Variants in GABRG1 observed in about 807,000 individuals in gnomAD.
The protein encoded by GABRG1 is gamma-aminobutyric acid type A receptor subunit gamma1, also known as gamma-aminobutyric acid receptor subunit gamma-1.
In GABRG1, 49 loss-of-function variants were observed where a neutral mutation model predicts 49.8. The observed-to-expected ratio is 0.98, with a 90% CI of 0.78 to 1.25. The LOEUF (loss-of-function observed/expected upper bound fraction) is 1.25. Among genes scored for constraint, GABRG1 ranks in the 50% most tolerant of loss-of-function variants. The pLI is 0.00. For synonymous variants in GABRG1, 232 were observed against 185.1 expected, an observed-to-expected ratio of 1.25 and a Z score of -2.06; for missense variants, 552 against 552.3, an observed-to-expected ratio of 1.00 and a Z score of 0.01.
chr4:46,072,869 C>A (rs1001629979), intron 3 of GABRG1, among the ~76,000 whole-genome samples: 15 of 150,008 alleles, frequency 1.0e-4, no homozygotes, highest in African/African-American at 3.5e-4. Context: ...TTTAAACTTA[C>A]TTTGCCTCTG....
chr4:46,120,944 A>G (rs1721075022), intron 1 of GABRG1, among the ~76,000 whole-genome samples: 1 of 151,746 alleles, frequency 6.6e-6, no homozygotes, highest in African/African-American at 2.4e-5. Context: ...TATTTTCATC[A>G]TTACAAAGAA....
chr4:46,051,575 A>T lies in GABRG1; in HGVS notation c.980T>A (p.Val327Asp). The stretch of plus-strand genomic sequence containing the variant: ...GAGATCCATCGCAGTCACATAAGAA[A>T]CCTTAGGTAAAGACTTCCTGGCAAT... ...STIARKSLPKVSYVTAMDLFV... is the reference protein window; with the variant it reads ...STIARKSLPKDSYVTAMDLFV... The change falls in exon 8 of 9, where the codon GTT becomes GAT. Residue 327 changes from valine to aspartate, a missense_variant. Coordinates refer to ENST00000295452, the MANE Select transcript of GABRG1 (RefSeq NM_173536.4). 2.5e-6 allele frequency: 4 copies of T among 1,611,592 alleles called. No individual in the cohort carries two copies. Among genetic ancestry groups the T allele is most frequent in the Non-Finnish European group, 3.4e-6 (4 of 1,178,478 alleles).
At chr4:46,050,230 A>T (rs1302680506) in intron 8 of GABRG1, among the ~76,000 whole-genome samples, 1 of 151,940 alleles carries the variant, frequency 6.6e-6, no homozygotes, top group Non-Finnish European at 1.5e-5. Flanking sequence ...GTCACTGGCT[A>T]ATTCTACAAT....
At chr4:46,101,963 A>C (rs1473450717) in intron 1 of GABRG1, among the ~76,000 whole-genome samples, 1 of 151,688 alleles carries the variant, frequency 6.6e-6, no homozygotes, top group Non-Finnish European at 1.5e-5. Context: ...GACAATAGAA[A>C]ATTTATTTTT....
At chr4:46,117,810 A>ATATG (rs1560377215) in intron 1 of GABRG1, among the ~76,000 whole-genome samples, 23 of 124,000 alleles carry the variant, frequency 1.9e-4, no homozygotes, top group African/African-American at 7.7e-4. Context: ...ATATGTATAC[A>ATATG]TGTGTATCTA....
At chr4:46,075,979 G>A (rs1486277748) in intron 3 of GABRG1, among the ~76,000 whole-genome samples, 2 of 151,968 alleles carry the variant, frequency 1.3e-5, no homozygotes, top group Admixed American at 6.6e-5. Context: ...TGGTGAGGAA[G>A]ATAATAAATT....
intron 8 of GABRG1, among the ~76,000 whole-genome samples, chr4:46,044,742 C>A (rs1221746834): frequency 2.0e-5 from 3 of 152,018 alleles, no homozygotes; most frequent in Non-Finnish European, 4.4e-5. Context: ...TAAATGTCCA[C>A]CTCCAGATCA....
At chr4:46,108,877 T>G (rs1720638443) in intron 1 of GABRG1, among the ~76,000 whole-genome samples, 1 of 151,060 alleles carries the variant, frequency 6.6e-6, no homozygotes, top group South Asian at 2.1e-4. Flanking sequence ...AGACTCAAAT[T>G]ATTTTAAAAA....
In GABRG1 at chr4:46,097,341, T is replaced by C; in HGVS notation, c.113A>G (p.Lys38Arg). The change falls in exon 2 of 9, where the codon AAG becomes AGG. Residue 38 changes from lysine (K) to arginine (R), a missense_variant. Physicochemically the swap from Lys to Arg is conservative, Grantham distance 26. Transcript: ENST00000295452. The part of the protein sequence containing the change: ...LTLHLGNCVD[K>R]ADDEDDEDLT... ...ATCCTCATCATCTTCATCATCTGCC[T>C]TATCAACACTAAATAATTCAAAGAA... 1 of 1,605,378 alleles carries C rather than the reference T, an allele frequency of 6.2e-7. No homozygotes were observed. The highest frequency in any genetic ancestry group is 8.5e-7 in the Non-Finnish European group (1 of 1,176,170).
chr4:46,053,442 G>GGTTT (rs1718313621), intron 7 of GABRG1, among the ~76,000 whole-genome samples: 2 of 104,434 alleles, frequency 1.9e-5, no homozygotes, highest in African/African-American at 8.6e-5. Context: ...TATGGTTGCA[G>GGTTT]ATTTATTTCT....
At chr4:46,041,973 G>C (rs1717803354) in intron 8 of GABRG1, among the ~76,000 whole-genome samples, 1 of 151,796 alleles carries the variant, frequency 6.6e-6, no homozygotes, top group African/African-American at 2.4e-5. Flanking sequence ...AGCTTTATTT[G>C]TAACATGTTA....
chr4:46,066,853 G>GCA (rs1405804352), intron 3 of GABRG1, among the ~76,000 whole-genome samples: 2 of 150,712 alleles, frequency 1.3e-5, no homozygotes, highest in African/African-American at 4.9e-5. Flanking sequence ...TTATATATAT[G>GCA]TACTATATAT....
chr4:46,051,803 A>G (rs1452106753), intron 7 of GABRG1, among the ~76,000 whole-genome samples, 165 bp from the exon 8 acceptor site: 1 of 151,898 alleles, frequency 6.6e-6, no homozygotes, highest in African/African-American at 2.4e-5. Context: ...ATTGTGTCCA[A>G]TGTGCTCTTT....
chr4:46,119,125 G>T (rs13108188), intron 1 of GABRG1, among the ~76,000 whole-genome samples: 1 of 150,970 alleles, frequency 6.6e-6, no homozygotes, highest in Non-Finnish European at 1.5e-5. Context: ...GTTTGTCTGC[G>T]TCAAGTACTT....
chr4:46,058,083 C>A, intron 7 of GABRG1, 134 bp downstream of exon 7: 2 of 704,948 alleles, frequency 2.8e-6, no homozygotes, highest in Non-Finnish European at 4.5e-6. Context: ...GGTATTGTCC[C>A]TTAGTTCCTG....
At chr4:46,074,970 A>G (rs1227644667) in intron 3 of GABRG1, among the ~76,000 whole-genome samples, 1 of 151,820 alleles carries the variant, frequency 6.6e-6, no homozygotes, top group East Asian at 1.9e-4. Flanking sequence ...TCACTTATAC[A>G]CTCTTATTGG....
chr4:46,062,077 C>T (rs28668188), intron 5 of GABRG1, among the ~76,000 whole-genome samples: 54,123 of 135,556 alleles, frequency 0.4, 10,529 homozygotes, highest in Non-Finnish European at 0.41. Flanking sequence ...CTTCCTGTGT[C>T]CATGTGTTCT....
chr4:46,109,668 T>C (rs1221951666), intron 1 of GABRG1, among the ~76,000 whole-genome samples: 2 of 151,176 alleles, frequency 1.3e-5, no homozygotes, highest in African/African-American at 4.8e-5. Flanking sequence ...AACTTTCTTC[T>C]TAACACTGCT....
chr4:46,123,313 C>G (rs766895675), intron 1 of GABRG1, among the ~76,000 whole-genome samples: 8 of 152,044 alleles, frequency 5.3e-5, no homozygotes, highest in Non-Finnish European at 1.2e-4. Context: ...TACAATATTT[C>G]TTGATGTAAA....
Sources: gnomAD v4.1 joint callset for allele counts (sites outside exome capture counted in the v4.1 genomes callset) on GRCh38, gnomAD v4.1.1 for gene constraint, MANE v1.5 for transcripts, NCBI Gene and HGNC (gene_info 2026-07-23, HGNC 2026-07-21) for gene names.